ZZZ3: variants seen among roughly 807,000 people sequenced by gnomAD.
ZZZ3 encodes zinc finger ZZ-type containing 3, also known as ZZ-type zinc finger-containing protein 3.
In ZZZ3, 22 loss-of-function variants were observed where a neutral mutation model predicts 95.2. That is an observed-to-expected ratio of 0.23 (90% CI 0.17 to 0.33). ZZZ3 has a LOEUF of 0.33. Ranked by LOEUF, ZZZ3 falls within the 10% of genes least tolerant of loss-of-function variation. The pLI is 1.00. For missense variants in ZZZ3, 885 were observed against 1,066.5 expected, an observed-to-expected ratio of 0.83 and a Z score of 2.37; for synonymous variants, 335 against 358.9, an observed-to-expected ratio of 0.93 and a Z score of 0.75.
Position 77,581,861 on chromosome 1 carries a change from A to G in ZZZ3, c.1823T>C (p.Leu608Ser), listed in dbSNP as rs1047051862. The G allele has an allele frequency of 2.5e-6, 4 of 1,613,956 alleles. No individual in the cohort carries two copies. The African/African-American group carries it at 5.3e-5, about 22-fold the overall frequency. The change falls in exon 8 of 15, where the codon TTA becomes TCA. Residue 608 changes from leucine (L) to serine (S), a missense_variant. Leu to Ser is a moderately radical substitution (Grantham distance 145, BLOSUM62 -2). Coordinates refer to ENST00000370801, the MANE Select transcript of ZZZ3 (RefSeq NM_015534.6). ...VGLPARPKSP[L>S]DPKKDGESLS... Reference sequence around the variant, plus strand: ...GGACTCTCCATCCTTCTTAGGATCTAAAGGACTTTTTGGTCTAGCAGGTAA... The same window carrying G: ...GGACTCTCCATCCTTCTTAGGATCTGAAGGACTTTTTGGTCTAGCAGGTAA...
chr1:77,588,337 A>G (rs1430657112), intron 5 of ZZZ3, among the ~76,000 whole-genome samples: 4 of 152,202 alleles, frequency 2.6e-5, no homozygotes, highest in Admixed American at 6.5e-5. Flanking sequence ...CATACAAGCT[A>G]TTTATGGTGG....
chr1:77,682,513 T>C (rs543618871), intron 1 of ZZZ3, 72 bp downstream of exon 1: 56 of 152,318 alleles, frequency 3.7e-4, no homozygotes, highest in African/African-American at 1.3e-3. Context: ...CCTTCAAGAC[T>C]ATGGGAAGCT....
chr1:77,584,974 AT>A lies in ZZZ3; in HGVS notation c.1506-320del, dbSNP rs748786153. The A allele has an allele frequency of 2.9e-4, 48 of 166,788 alleles. 1 individual carries two copies. The highest frequency in any genetic ancestry group is 2.8e-3 in the Middle Eastern group (1 of 352). The allele number at this position is 166,788 out of a possible 1,614,324, so 10.3% of individuals were successfully genotyped here. ...GTTAAGAAACTGCTAGATAAAAAAAATATAATTAAAATGATAAAATCTTAAT... is the reference window on the plus strand; with the variant it reads ...GTTAAGAAACTGCTAGATAAAAAAAAATAATTAAAATGATAAAATCTTAAT... On this transcript the variant is annotated intron_variant, in intron 5 of 14. Transcript: ENST00000370801.
intron 5 of ZZZ3, among the ~76,000 whole-genome samples, chr1:77,614,502 CTATAA>C (rs1273300304): frequency 6.6e-6 from 1 of 152,098 alleles, no homozygotes; most frequent in Non-Finnish European, 1.5e-5. Flanking sequence ...TTTAAATCCC[CTATAA>C]TATCTTTATG....
At chr1:77,638,050 T>C (rs2100882499) in intron 4 of ZZZ3, among the ~76,000 whole-genome samples, 1 of 152,322 alleles carries the variant, frequency 6.6e-6, no homozygotes, top group African/African-American at 2.4e-5. Context: ...ACTGGAGTTT[T>C]TCCTATATGT....
intron 5 of ZZZ3, among the ~76,000 whole-genome samples, chr1:77,589,660 T>C (rs1045500573): frequency 6.6e-6 from 1 of 151,712 alleles, no homozygotes; most frequent in Non-Finnish European, 1.5e-5. Context: ...GGGTCTCGCT[T>C]TGTTGCCCAG....
intron 5 of ZZZ3, among the ~76,000 whole-genome samples, chr1:77,589,407 G>A (rs1489652324): frequency 6.8e-6 from 1 of 147,306 alleles, no homozygotes; most frequent in Non-Finnish European, 1.5e-5. Context: ...CAATCTGGAG[G>A]TTGATTTTAT....
At chr1:77,568,608 T>C (rs1661066146) in intron 12 of ZZZ3, 142 bp from the exon 13 acceptor site, 1 of 466,824 alleles carries the variant, frequency 2.1e-6, no homozygotes, top group Non-Finnish European at 3.6e-6. Flanking sequence ...ATTAGTGCTG[T>C]TATTAGCAGT....
At position 77,574,811 on chromosome 1, in the gene ZZZ3, T is replaced by C. The variant is rs75763958; in HGVS notation, c.2331+1257A>G. 3.1e-3 allele frequency among the ~76,000 whole-genome samples: 467 copies of C among 152,304 alleles called. 2 individuals carry two copies. The highest frequency in any genetic ancestry group is 0.011 in the African/African-American group (447 of 41,578). ...ATACATTAAATACATTTAGGGCCAA[T>C]AGTTCATAAGAATACAAAAAATTTT... On this transcript the variant is annotated intron_variant, in intron 12 of 14. Coordinates refer to ENST00000370801, the MANE Select transcript of ZZZ3 (RefSeq NM_015534.6).
intron 5 of ZZZ3, among the ~76,000 whole-genome samples, chr1:77,630,190 A>G (rs1343444822): frequency 6.6e-6 from 1 of 152,114 alleles, no homozygotes; most frequent in Non-Finnish European, 1.5e-5. Flanking sequence ...AAAAACTGAT[A>G]CTAGGCCAGG....
At chr1:77,580,277 C>G (rs1461387223) in intron 9 of ZZZ3, 2 of 152,194 alleles carry the variant, frequency 1.3e-5, no homozygotes, top group African/African-American at 4.8e-5. Flanking sequence ...CCACTAACAA[C>G]CCTAGCCATT....
At chr1:77,665,573 C>T (rs1671173151) in intron 1 of ZZZ3, among the ~76,000 whole-genome samples, 1 of 152,142 alleles carries the variant, frequency 6.6e-6, no homozygotes, top group Non-Finnish European at 1.5e-5. Flanking sequence ...TAGTAACTGA[C>T]TTCACGCTTA....
chr1:77,575,816 A>G (rs1013655342), intron 12 of ZZZ3, among the ~76,000 whole-genome samples: 1 of 152,232 alleles, frequency 6.6e-6, no homozygotes, highest in African/African-American at 2.4e-5. Flanking sequence ...AATAATCCAG[A>G]GCAGAGTTGA....
At chr1:77,677,083 T>C (rs1672331751) in intron 1 of ZZZ3, 1 of 152,232 alleles carries the variant, frequency 6.6e-6, no homozygotes, top group African/African-American at 2.4e-5. Flanking sequence ...CTCACCCCTG[T>C]AATCCAGCAC....
Position 77,630,137 on chromosome 1 carries a change from T to TA in ZZZ3, c.1505+1712dup, listed in dbSNP as rs1667666336. On this transcript the variant is annotated intron_variant, in intron 5 of 14. Transcript: ENST00000370801. ...TAGTTTTTGGTATTTTCCTAAGACA[T>TA]ACGCTCTCCTTCCCTGCACTGCAGA... Among the ~76,000 whole-genome samples the TA allele has an allele frequency of 2.6e-5, 4 of 152,302 alleles. No individual in the cohort carries two copies. In the East Asian group the frequency reaches 7.7e-4, roughly 29 times the overall value.
upstream of ZZZ3, among the ~76,000 whole-genome samples, chr1:77,683,091 C>CGCCGTCGCAGCCGTCGCA (rs71075755): frequency 3.1e-5 from 4 of 129,698 alleles, no homozygotes; most frequent in African/African-American, 9.0e-5. Context: ...GTGGGGGCTT[C>CGCCGTCGCAGCCGTCGCA]GCCGTCGCAG....
chr1:77,639,133 A>G (rs1188123755), intron 4 of ZZZ3, among the ~76,000 whole-genome samples: 1 of 152,154 alleles, frequency 6.6e-6, no homozygotes, highest in African/African-American at 2.4e-5. Flanking sequence ...ACAGACAGAT[A>G]GACAAAAGTA....
intron 1 of ZZZ3, among the ~76,000 whole-genome samples, chr1:77,646,635 A>C (rs1163308734): frequency 1.3e-5 from 2 of 152,210 alleles, no homozygotes; most frequent in Non-Finnish European, 2.9e-5. Flanking sequence ...ATAGAGTAAC[A>C]GGGATGAAAC....
At chr1:77,620,812 T>C (rs548060448) in intron 5 of ZZZ3, among the ~76,000 whole-genome samples, 1 of 152,234 alleles carries the variant, frequency 6.6e-6, no homozygotes, top group South Asian at 2.1e-4. Context: ...TTCATCAGTA[T>C]ATAGATAGTA....
Sources: allele counts gnomAD v4.1 joint callset (sites outside exome capture counted in the v4.1 genomes callset), GRCh38; gene constraint gnomAD v4.1.1; transcripts MANE v1.5; gene names NCBI Gene and HGNC (gene_info 2026-07-23, HGNC 2026-07-21).